SIK3: variants seen among roughly 807,000 people sequenced by gnomAD.
SIK3 encodes the protein SIK family kinase 3, also known as serine/threonine-protein kinase SIK3.
In SIK3, 28 loss-of-function variants were observed where a neutral mutation model predicts 144.2. The ratio of observed to expected loss-of-function variants is 0.19; its 90% CI spans 0.14 to 0.27. SIK3 has a LOEUF of 0.27. SIK3 is among the 10% of genes least tolerant of loss of function. SIK3 has a pLI of 1.00. For synonymous variants in SIK3, 686 were observed against 676.3 expected, an observed-to-expected ratio of 1.01 and a Z score of -0.22; for missense variants, 1,319 against 1,776.0, an observed-to-expected ratio of 0.74 and a Z score of 4.62.
In SIK3 at chr11:116,978,680, TA is replaced by T. The variant is rs1950038433; in HGVS notation, c.274-21617del. 3.9e-5 allele frequency among the ~76,000 whole-genome samples: 6 copies of T among 152,206 alleles called. No individual in the cohort carries two copies. In the South Asian group the frequency reaches 1.2e-3, roughly 32 times the overall value. ...CACCATGCCCAGATAATATTTTTTT[TA>T]ATTTGTTGTAGGGAAAGGGTCTTGC... On this transcript the variant is annotated intron_variant, in intron 1 of 24. Coordinates refer to ENST00000445177, the MANE Select transcript of SIK3 (RefSeq NM_001366686.3).
chr11:116,852,457 C>T (rs1357214103), intron 21 of SIK3, among the ~76,000 whole-genome samples: 4 of 152,194 alleles, frequency 2.6e-5, no homozygotes, highest in Admixed American at 2.0e-4. Context: ...AGCACAAGTT[C>T]TGGGGTCAGG....
Position 116,921,339 on chromosome 11 carries a change from A to G in SIK3, c.616+5880T>C, listed in dbSNP as rs150928397. 3.3e-3 allele frequency among the ~76,000 whole-genome samples: 503 copies of G among 152,322 alleles called. 5 individuals are homozygous for G. The highest frequency in any genetic ancestry group is 0.011 in the African/African-American group (468 of 41,568). Reference sequence around the variant, plus strand: ...GCAAAGCATAATTTTGGTGTTACCAACTTTTCAAAGATCTAATGTTTGCTG... The same window carrying G: ...GCAAAGCATAATTTTGGTGTTACCAGCTTTTCAAAGATCTAATGTTTGCTG... On this transcript the variant is annotated intron_variant, in intron 4 of 24. Transcript: ENST00000445177.
chr11:116,946,053 T>G (rs984460308), intron 3 of SIK3, among the ~76,000 whole-genome samples: 2 of 152,224 alleles, frequency 1.3e-5, no homozygotes, highest in Non-Finnish European at 2.9e-5. Context: ...TCTATCCTTC[T>G]TCATGTGCAA....
chr11:116,953,085 G>T lies in SIK3; in HGVS notation c.454+959C>A, dbSNP rs564071440. Among the ~76,000 whole-genome samples, 41 of 151,692 alleles carry T rather than the reference G, an allele frequency of 2.7e-4. 1 individual carries two copies. In the South Asian group the frequency reaches 8.3e-3, roughly 31 times the overall value. On this transcript the variant is annotated intron_variant, in intron 3 of 24. Coordinates refer to ENST00000445177, the MANE Select transcript of SIK3 (RefSeq NM_001366686.3). The stretch of plus-strand genomic sequence containing the variant: ...ACACAAAAAAACACTAGATCGCTAG[G>T]GAAACTTTAAAAACACAAACACACA...
At chr11:117,033,087 T>C (rs145500811) in intron 1 of SIK3, among the ~76,000 whole-genome samples, 5 of 152,310 alleles carry the variant, frequency 3.3e-5, no homozygotes, top group South Asian at 2.1e-4. Context: ...ATTTGTAGAA[T>C]GTGAAATTCT....
chr11:116,867,012 A>T lies in SIK3; in HGVS notation c.1952+934T>A, dbSNP rs1014290627. On this transcript the variant is annotated intron_variant, in intron 15 of 24. Coordinates refer to ENST00000445177, the MANE Select transcript of SIK3 (RefSeq NM_001366686.3). The surrounding 1 kb of genome is among the most constrained non-coding windows in gnomAD (Gnocchi z 4.1). The stretch of plus-strand genomic sequence containing the variant: ...TGCCAAATGGGTAACCAGCCTCAGT[A>T]AAAAAAATGTGTCAAGCTTGCCAGT... Among the ~76,000 whole-genome samples, 1 of 151,974 alleles carries T rather than the reference A, an allele frequency of 6.6e-6. No homozygotes were observed. The highest frequency in any genetic ancestry group is 2.4e-5 in the African/African-American group (1 of 41,330).
At chr11:116,967,150 T>A (rs1334095081) in intron 1 of SIK3, among the ~76,000 whole-genome samples, 1 of 152,168 alleles carries the variant, frequency 6.6e-6, no homozygotes, top group African/African-American at 2.4e-5. Flanking sequence ...AAGATGAATT[T>A]TCTTAATGAG....
intron 1 of SIK3, among the ~76,000 whole-genome samples, chr11:116,976,485 T>C (rs926281265): frequency 6.6e-5 from 10 of 152,394 alleles, no homozygotes; most frequent in Middle Eastern, 3.4e-3. Context: ...GAAAAGACTC[T>C]TCTTTCTCCA....
intron 1 of SIK3, among the ~76,000 whole-genome samples, chr11:117,093,570 T>C (rs879238746): frequency 6.6e-6 from 1 of 150,394 alleles, no homozygotes; most frequent in Non-Finnish European, 1.5e-5. Context: ...ATCATCAACA[T>C]AACAAAAATT....
At position 117,061,569 on chromosome 11, in the gene SIK3, T is replaced by C. The variant is rs560237457; in HGVS notation, c.273+36574A>G. Among the ~76,000 whole-genome samples the C allele has an allele frequency of 5.3e-5, 8 of 152,314 alleles. No individual in the cohort carries two copies. In the South Asian group the frequency reaches 1.7e-3, roughly 32 times the overall value. ...AAAGCACTGACCAGAACAAATTAAG[T>C]ACTCAATAAATCTTAGTTCCCTGTA... On this transcript the variant is annotated intron_variant, in intron 1 of 24. Coordinates refer to ENST00000445177, the MANE Select transcript of SIK3 (RefSeq NM_001366686.3).
chr11:117,019,324 T>G (rs937302602), intron 1 of SIK3, among the ~76,000 whole-genome samples: 2 of 152,120 alleles, frequency 1.3e-5, no homozygotes, highest in Non-Finnish European at 2.9e-5. Context: ...CGGTCTTTAT[T>G]GTAACTTTAT....
chr11:117,017,271 T>G (rs980595669), intron 1 of SIK3, among the ~76,000 whole-genome samples: 3 of 151,856 alleles, frequency 2.0e-5, no homozygotes, highest in Non-Finnish European at 2.9e-5. Context: ...TAATAATAAA[T>G]AAGAAGAAGA....
chr11:116,861,826 C>A lies in SIK3; in HGVS notation c.2315+15G>T, dbSNP rs763237686. On this transcript the variant is annotated intron_variant, in intron 18 of 24. Coordinates refer to ENST00000445177, the MANE Select transcript of SIK3 (RefSeq NM_001366686.3). ...TCGAGACAATGGCTTAGGCACAACA[C>A]AAAATGACTCATACCTCTGGAGCTG... 7 of 1,587,536 alleles carry A rather than the reference C, an allele frequency of 4.4e-6. No individual in the cohort carries two copies. Among genetic ancestry groups the A allele is most frequent in the South Asian group, 1.1e-5 (1 of 89,300 alleles).
intron 1 of SIK3, among the ~76,000 whole-genome samples, chr11:117,015,442 C>T (rs1317228942): frequency 3.3e-5 from 5 of 152,054 alleles, no homozygotes; most frequent in South Asian, 2.1e-4. Context: ...GACAGAGTCT[C>T]GCTCTGTCAC....
At chr11:116,917,096 A>G (rs775746361) in intron 4 of SIK3, among the ~76,000 whole-genome samples, 37 of 152,090 alleles carry the variant, frequency 2.4e-4, no homozygotes, top group Non-Finnish European at 4.6e-4. Flanking sequence ...CTGGGACTAC[A>G]GGTGCGTGCG....
chr11:116,897,271 G>A lies in SIK3; in HGVS notation c.663C>T (p.Thr221=), dbSNP rs1367499488. The A allele has an allele frequency of 2.5e-6, 4 of 1,613,962 alleles. No individual in the cohort carries two copies. Among genetic ancestry groups the A allele is most frequent in the Non-Finnish European group, 3.4e-6 (4 of 1,179,848 alleles). ...CAGCATAGGGAGGGCTGCCACACCA[G>A]GTCTTCAGCAGCTGCCCAGGAGTGA... ...NLFTPGQLLK[T]WCGSPPYAAP... is the part of the protein sequence containing the mutation. Residue 221 remains threonine, a synonymous_variant, in exon 5 of 25, where the codon ACC becomes ACT. Coordinates refer to ENST00000445177, the MANE Select transcript of SIK3 (RefSeq NM_001366686.3).
chr11:117,063,735 A>AT (rs1953901200), intron 1 of SIK3, among the ~76,000 whole-genome samples: 3 of 151,594 alleles, frequency 2.0e-5, no homozygotes, highest in Admixed American at 1.3e-4. Flanking sequence ...CGCCTGGCTA[A>AT]TTTTTTGTAT....
intron 1 of SIK3, among the ~76,000 whole-genome samples, chr11:117,001,505 C>A (rs370880760): frequency 2.0e-5 from 3 of 147,332 alleles, no homozygotes; most frequent in African/African-American, 2.5e-5. Flanking sequence ...GATTCCATCT[C>A]AAAAAAAAAA....
intron 21 of SIK3, among the ~76,000 whole-genome samples, chr11:116,854,295 G>A (rs901381344): frequency 6.6e-6 from 1 of 152,198 alleles, no homozygotes; most frequent in African/African-American, 2.4e-5. Context: ...CCAGGAGGTC[G>A]AGGCTGCAGT....
Sources: allele counts gnomAD v4.1 joint callset (sites outside exome capture counted in the v4.1 genomes callset), GRCh38; gene constraint gnomAD v4.1.1; non-coding constraint Gnocchi (gnomAD v3.1); transcripts MANE v1.5; gene names NCBI Gene and HGNC (gene_info 2026-07-23, HGNC 2026-07-21).